The following SCHIP1 variants were observed in gnomAD, a reference collection of about 807,000 sequenced individuals.
SCHIP1 encodes schwannomin interacting protein 1.
Under a neutral mutation model 29.7 loss-of-function variants are expected in SCHIP1, and 8 were observed. The observed-to-expected ratio is 0.27, with a 90% CI of 0.16 to 0.49. SCHIP1 has a LOEUF of 0.49. Ranked by LOEUF, SCHIP1 falls within the 20% of genes least tolerant of loss-of-function variation. SCHIP1 has a pLI of 0.99. For missense variants in SCHIP1, 193 were observed against 294.6 expected, an observed-to-expected ratio of 0.66 and a Z score of 2.52; for synonymous variants, 76 against 94.9, an observed-to-expected ratio of 0.80 and a Z score of 1.16.
the SCHIP1 span, among the ~76,000 whole-genome samples, chr3:159,694,412 C>T: frequency 2.6e-5 from 4 of 151,814 alleles, no homozygotes; most frequent in Admixed American, 1.3e-4. Flanking sequence ...CCCAGCCATT[C>T]GGGAGGCTGA....
chr3:159,570,652 T>C, the SCHIP1 span, among the ~76,000 whole-genome samples: 1 of 152,192 alleles, frequency 6.6e-6, no homozygotes, highest in East Asian at 1.9e-4. Context: ...CCACGTGAAC[T>C]TTAAAGTAGT....
intron 2 of SCHIP1, among the ~76,000 whole-genome samples, chr3:159,880,847 A>G (rs956332076): frequency 1.2e-4 from 19 of 152,342 alleles, no homozygotes; most frequent in African/African-American, 4.6e-4. Context: ...TTTTTGTTGG[A>G]CCAGCATTAT....
At chr3:159,763,737 C>T in the SCHIP1 span, 1 of 152,404 alleles carries the variant, frequency 6.6e-6, no homozygotes, top group South Asian at 2.1e-4. Flanking sequence ...GCGCCCCGGC[C>T]AGGCACACCT....
In SCHIP1 at chr3:159,858,808, G is replaced by A. The variant is rs1245635115; in HGVS notation, c.31-7355G>A. ...GCTCTCTCGTGGGTACAGGTCCTGA[G>A]CAATTTACACCCAAAGGCCTTACTG... On this transcript the variant is annotated intron_variant, in intron 1 of 6. Transcript: ENST00000445224. Among the ~76,000 whole-genome samples, 4 of 152,162 alleles carry A rather than the reference G, an allele frequency of 2.6e-5. No individual in the cohort carries two copies. The East Asian group carries it at 5.8e-4, about 22-fold the overall frequency.
At chr3:159,558,041 T>A in the SCHIP1 span, among the ~76,000 whole-genome samples, 25 of 152,336 alleles carry the variant, frequency 1.6e-4, no homozygotes, top group East Asian at 4.2e-3. Flanking sequence ...AGAACAATGT[T>A]GAGCCTAAAT....
At chr3:159,811,529 G>A in the SCHIP1 span, among the ~76,000 whole-genome samples, 1 of 152,154 alleles carries the variant, frequency 6.6e-6, no homozygotes, top group African/African-American at 2.4e-5. Context: ...AGCACCATCT[G>A]TTGAAAAGAC....
the SCHIP1 span, among the ~76,000 whole-genome samples, chr3:159,675,773 T>C: frequency 6.6e-6 from 1 of 152,192 alleles, no homozygotes; most frequent in Non-Finnish European, 1.5e-5. Context: ...AAAAGTGCTG[T>C]CTCCCCATCT....
the SCHIP1 span, among the ~76,000 whole-genome samples, chr3:159,525,210 C>T: frequency 6.6e-6 from 1 of 152,190 alleles, no homozygotes. Flanking sequence ...TGTTCCAATG[C>T]CATTTCCTTA....
At chr3:159,480,642 G>T in the SCHIP1 span, among the ~76,000 whole-genome samples, 1 of 152,074 alleles carries the variant, frequency 6.6e-6, no homozygotes, top group South Asian at 2.1e-4. Flanking sequence ...GTTTAACAGA[G>T]ACTGCTTTAA....
the SCHIP1 span, among the ~76,000 whole-genome samples, chr3:159,448,466 T>C: frequency 2.0e-3 from 301 of 152,220 alleles, 3 homozygotes; most frequent in African/African-American, 6.9e-3. Flanking sequence ...TGAGACTCTG[T>C]CTCAAAGAAA....
chr3:159,308,366 G>T, the SCHIP1 span, among the ~76,000 whole-genome samples: 1 of 152,096 alleles, frequency 6.6e-6, no homozygotes, highest in Non-Finnish European at 1.5e-5. Flanking sequence ...TATGGATAAA[G>T]GACATGAACA....
the SCHIP1 span, among the ~76,000 whole-genome samples, chr3:159,532,702 C>G: frequency 6.6e-6 from 1 of 152,176 alleles, no homozygotes; most frequent in Non-Finnish European, 1.5e-5. Context: ...TGACCAAATT[C>G]CAGCTACAGT....
chr3:159,786,740 G>A, the SCHIP1 span, among the ~76,000 whole-genome samples: 3 of 151,724 alleles, frequency 2.0e-5, no homozygotes, highest in African/African-American at 7.3e-5. Context: ...GTTTTGTGGT[G>A]TGATTGTGGT....
At chr3:159,577,932 G>A in the SCHIP1 span, among the ~76,000 whole-genome samples, 34 of 152,256 alleles carry the variant, frequency 2.2e-4, 1 homozygote, top group South Asian at 2.1e-4. Flanking sequence ...CTTTTCATAT[G>A]GATAATGCAA....
chr3:159,808,826 A>T, the SCHIP1 span, among the ~76,000 whole-genome samples: 1 of 152,134 alleles, frequency 6.6e-6, no homozygotes, highest in Non-Finnish European at 1.5e-5. Flanking sequence ...GCGTATTGGC[A>T]CATGCCTGTA....
At chr3:159,691,141 T>C in the SCHIP1 span, among the ~76,000 whole-genome samples, 1 of 152,200 alleles carries the variant, frequency 6.6e-6, no homozygotes, top group Non-Finnish European at 1.5e-5. Context: ...AAGTCCTGAA[T>C]ATCCTTGTAA....
the SCHIP1 span, among the ~76,000 whole-genome samples, chr3:159,562,987 C>G: frequency 6.6e-6 from 1 of 152,108 alleles, no homozygotes; most frequent in African/African-American, 2.4e-5. Context: ...TATTCTTTAC[C>G]TTTCTCATGG....
the SCHIP1 span, among the ~76,000 whole-genome samples, chr3:159,416,131 C>T: frequency 6.6e-6 from 1 of 152,176 alleles, no homozygotes; most frequent in South Asian, 2.1e-4. Flanking sequence ...TATTCTTGGG[C>T]ATTTTTAATA....
chr3:159,868,620 A>G (rs2109280248), intron 2 of SCHIP1, among the ~76,000 whole-genome samples: 1 of 152,228 alleles, frequency 6.6e-6, no homozygotes, highest in South Asian at 2.1e-4. Context: ...CTGAAATTAG[A>G]ATTGCCTCCT....
Sources: gnomAD v4.1 joint callset for allele counts (sites outside exome capture counted in the v4.1 genomes callset) on GRCh38, gnomAD v4.1.1 for gene constraint, MANE v1.5 for transcripts, NCBI Gene and HGNC (gene_info 2026-07-23, HGNC 2026-07-21) for gene names.